SYNE1: variants seen among roughly 807,000 people sequenced by gnomAD.
SYNE1 encodes spectrin repeat containing nuclear envelope protein 1.
Under a neutral mutation model 1,111.0 loss-of-function variants are expected in SYNE1, and 616 were observed. The observed-to-expected ratio is 0.55, with a 90% CI of 0.52 to 0.59. The LOEUF is 0.59. Among genes scored for constraint, SYNE1 ranks in the 20% least tolerant of loss-of-function variants. The pLI is 0.00. For synonymous variants in SYNE1, 3,855 were observed against 3,825.8 expected (o/e 1.01, Z -0.28); for missense variants, 10,006 against 10,417.0 (o/e 0.96, Z 1.72).
At position 152,498,767 on chromosome 6, in the gene SYNE1, A is replaced by G. The variant is rs778682846; in HGVS notation, c.914T>C (p.Phe305Ser). Residue 305 changes from phenylalanine to serine, a missense_variant, in exon 11 of 146, where the codon TTT becomes TCT. Transcript: ENST00000367255. The stretch of plus-strand genomic sequence containing the variant: ...CTTAAAATTTTGTACAGAATTTGCA[A>G]AAGATGGGAAACCTGGAAGTATTTC... ...DDEILPGFPS[F>S]ANSVQNFKRE... 5 of 1,557,782 alleles carry G rather than the reference A, an allele frequency of 3.2e-6. No individual in the cohort carries two copies. In the East Asian group the frequency reaches 9.1e-5, roughly 28 times the overall value.
intron 3 of SYNE1, among the ~76,000 whole-genome samples, chr6:152,540,947 G>A (rs1489395972): frequency 6.6e-6 from 1 of 152,200 alleles, no homozygotes; most frequent in Non-Finnish European, 1.5e-5. Flanking sequence ...ATGAAATCCA[G>A]CTGATGCCTT....
chr6:152,387,154 TCGTAGAGC>T lies in SYNE1; in HGVS notation c.8397_8404del (p.Leu2800LysfsTer5). 2 of 1,614,202 alleles carry T rather than the reference TCGTAGAGC, an allele frequency of 1.2e-6. No homozygotes were observed. The highest frequency in any genetic ancestry group is 1.7e-6 in the Non-Finnish European group (2 of 1,180,020). ...CTTGAAAGACTCATCCTCTGTCTTT[TCGTAGAGC>T]TCCCTGGACTTCGCAATTAGACGGT... On this transcript the variant is annotated frameshift_variant, in exon 54 of 146. Coordinates refer to ENST00000367255, the MANE Select transcript of SYNE1 (RefSeq NM_182961.4). LOFTEE classifies it high-confidence loss of function.
At chr6:152,147,167 T>G (rs2059649755) in intron 137 of SYNE1, 1 of 152,322 alleles carries the variant, frequency 6.6e-6, no homozygotes, top group Non-Finnish European at 1.5e-5. Context: ...TTCAATGGAC[T>G]GAGAGTTCTG....
chr6:152,221,635 T>G, intron 117 of SYNE1, 76 bp from the exon 118 acceptor site: 1 of 1,577,804 alleles, frequency 6.3e-7, no homozygotes, highest in Non-Finnish European at 8.7e-7. Context: ...GGAATTTGTA[T>G]ATGTTTTCAT....
At chr6:152,356,402 TTCAAG>T (rs2096838637) in intron 66 of SYNE1, among the ~76,000 whole-genome samples, 1 of 149,924 alleles carries the variant, frequency 6.7e-6, no homozygotes, top group Admixed American at 6.7e-5. Flanking sequence ...TATCCCAAAT[TTCAAG>T]TCTGTATTCT....
At chr6:152,540,134 C>A in intron 3 of SYNE1, 113 bp from the exon 4 acceptor site, 1 of 1,052,018 alleles carries the variant, frequency 9.5e-7, no homozygotes. Context: ...TTTTCTCATT[C>A]ATTTTACCAA....
At chr6:152,249,013 T>C (rs2088299616) in intron 105 of SYNE1, 148 bp downstream of exon 105, 6 of 679,404 alleles carry the variant, frequency 8.8e-6, no homozygotes, top group Middle Eastern at 3.7e-4. Context: ...ACCTGGTATG[T>C]TATTCAAACC....
At chr6:152,423,174 C>T (rs527613366) in intron 39 of SYNE1, among the ~76,000 whole-genome samples, 4 of 152,172 alleles carry the variant, frequency 2.6e-5, no homozygotes, top group South Asian at 2.1e-4. Flanking sequence ...GCTTTGCTAG[C>T]CAAGCCTCTT....
rs2098157402 is a variant in SYNE1 at position 152,416,493 on chromosome 6, C to CT, written c.5943dup (p.Ala1982SerfsTer14). 1 of 1,613,974 alleles carries CT rather than the reference C, an allele frequency of 6.2e-7. No individual in the cohort carries two copies. The highest frequency in any genetic ancestry group is 8.5e-7 in the Non-Finnish European group (1 of 1,180,044). On this transcript the variant is annotated frameshift_variant, in exon 41 of 146. Transcript: ENST00000367255. LOFTEE classifies it high-confidence loss of function. The stretch of plus-strand genomic sequence containing the variant: ...AGCTCCTCTTTCTGGTCTTGGAATG[C>CT]TTTTTTCAACACTGCCAGAGCATCT...
chr6:152,218,479 G>A lies in SYNE1; in HGVS notation c.22045-76C>T, dbSNP rs1257240900. On this transcript the variant is annotated intron_variant, in intron 120 of 145. Coordinates refer to ENST00000367255, the MANE Select transcript of SYNE1 (RefSeq NM_182961.4). ...GTATTTTAATAAAGTCTGGTAAAAG[G>A]GCAAGTGGATATTAAAATTATTTTT... 11 of 1,486,350 alleles carry A rather than the reference G, an allele frequency of 7.4e-6. No homozygotes were observed. In the East Asian group the frequency reaches 2.0e-4, roughly 27 times the overall value. 92.1% of individuals were successfully genotyped at this position (1,486,350 alleles called of 1,614,324 possible).
intron 129 of SYNE1, among the ~76,000 whole-genome samples, chr6:152,176,906 C>T (rs933771528): frequency 6.6e-6 from 1 of 152,024 alleles, no homozygotes; most frequent in Non-Finnish European, 1.5e-5. Context: ...TCTCTCATCA[C>T]TAACCTGATG....
intron 3 of SYNE1, among the ~76,000 whole-genome samples, chr6:152,570,186 T>A (rs1027458626): frequency 6.6e-6 from 1 of 152,212 alleles, no homozygotes; most frequent in Non-Finnish European, 1.5e-5. Context: ...CAATCTTCCA[T>A]TTTCTGTTGC....
chr6:152,212,993 A>G (rs938180553), intron 123 of SYNE1, among the ~76,000 whole-genome samples: 4 of 152,120 alleles, frequency 2.6e-5, no homozygotes, highest in African/African-American at 9.7e-5. Context: ...TGTGCATATC[A>G]TTCATAAATA....
chr6:152,339,468 T>C, intron 74 of SYNE1, 102 bp from the exon 75 acceptor site: 1 of 1,510,362 alleles, frequency 6.6e-7, no homozygotes, highest in South Asian at 1.2e-5. Flanking sequence ...AAAATAGTCT[T>C]GCTATGCTCA....
chr6:152,141,145 C>T (rs1320652041), intron 139 of SYNE1, 58 bp downstream of exon 139: 6 of 1,612,918 alleles, frequency 3.7e-6, no homozygotes, highest in Non-Finnish European at 5.1e-6. Context: ...TCGCTGTTAA[C>T]AAAGTGCTTC....
chr6:152,338,313 C>T (rs1408077745), intron 75 of SYNE1, among the ~76,000 whole-genome samples: 1 of 152,010 alleles, frequency 6.6e-6, no homozygotes, highest in Non-Finnish European at 1.5e-5. Context: ...AAAACTAAGT[C>T]TTATTTTTCT....
chr6:152,172,713 A>G (rs2635467), intron 130 of SYNE1, among the ~76,000 whole-genome samples: 20,112 of 152,216 alleles, frequency 0.13, 2,000 homozygotes, highest in East Asian at 0.3. Flanking sequence ...GCAGTTTTAC[A>G]GAAATTAGAG....
chr6:152,507,411 A>G (rs1182247204), intron 8 of SYNE1, among the ~76,000 whole-genome samples: 2 of 152,226 alleles, frequency 1.3e-5, no homozygotes, highest in Admixed American at 1.3e-4. Context: ...AAATAATTAA[A>G]AAGTTTCAGC....
In SYNE1 at chr6:152,353,252, T is replaced by C; in HGVS notation, c.11253+11A>G. 1 of 1,614,152 alleles carries C rather than the reference T, an allele frequency of 6.2e-7. No homozygotes were observed. The highest frequency in any genetic ancestry group is 8.5e-7 in the Non-Finnish European group (1 of 1,180,022). On this transcript the variant is annotated intron_variant, in intron 69 of 145. Coordinates refer to ENST00000367255, the MANE Select transcript of SYNE1 (RefSeq NM_182961.4). ...AAAGGTTGGATACAAATCTGAAGTA[T>C]GCGTGCCTACCTCCAACGTCTTCAA...
Sources: allele counts gnomAD v4.1 joint callset (sites outside exome capture counted in the v4.1 genomes callset), GRCh38; gene constraint gnomAD v4.1.1; transcripts MANE v1.5; gene names NCBI Gene and HGNC (gene_info 2026-07-23, HGNC 2026-07-21).